Variants in COL22A1 observed in about 807,000 individuals in gnomAD.
The protein encoded by COL22A1 is collagen type XXII alpha 1 chain, also known as collagen alpha-1(XXII) chain.
In COL22A1, 221 loss-of-function variants were observed where a neutral mutation model predicts 248.9. The ratio of observed to expected loss-of-function variants is 0.89; its 90% CI spans 0.80 to 0.99. The LOEUF is 0.99. Ranked by LOEUF, COL22A1 falls within the 50% of genes least tolerant of loss-of-function variation. The pLI, the probability that COL22A1 is intolerant of heterozygous loss-of-function variation, is 0.00. For missense variants in COL22A1, 2,240 were observed against 2,179.0 expected, an observed-to-expected ratio of 1.03 and a Z score of -0.56; for synonymous variants, 891 against 793.4, an observed-to-expected ratio of 1.12 and a Z score of -2.07.
intron 7 of COL22A1, among the ~76,000 whole-genome samples, chr8:138,814,021 G>A (rs189762351): frequency 3.9e-5 from 6 of 152,348 alleles, no homozygotes; most frequent in African/African-American, 1.4e-4. Context: ...AAGGGGTTGT[G>A]GTGCTAAAAC....
rs182276159 is a variant in COL22A1, at chr8:138,629,889, G to C, written c.3663+806C>G. Among the ~76,000 whole-genome samples the C allele has an allele frequency of 4.1e-3, 620 of 152,246 alleles. 4 individuals carry two copies. Among genetic ancestry groups the C allele is most frequent in the African/African-American group, 0.013 (559 of 41,544 alleles). ...TGGCCTAGGGATTGCGCCTGGCTCT[G>C]ACATTCCCTCACTGTGTGACCCTGA... On this transcript the variant is annotated intron_variant, in intron 50 of 64. Transcript: ENST00000303045.
chr8:138,773,012 A>G (rs1473749230), intron 16 of COL22A1, among the ~76,000 whole-genome samples: 2 of 152,264 alleles, frequency 1.3e-5, no homozygotes, highest in African/African-American at 2.4e-5. Context: ...AGCTGCAGAC[A>G]CTGAGGCTGG....
chr8:138,745,068 C>T (rs1438570613), intron 22 of COL22A1, among the ~76,000 whole-genome samples: 2 of 152,186 alleles, frequency 1.3e-5, no homozygotes, highest in Non-Finnish European at 2.9e-5. Flanking sequence ...ATTCACGTTT[C>T]TGGATATATT....
At chr8:138,688,174 TGG>T (rs760478832) in intron 37 of COL22A1, among the ~76,000 whole-genome samples, 1 of 15,486 alleles carries the variant, frequency 6.5e-5, no homozygotes, top group Non-Finnish European at 1.7e-4. Context: ...TCTTGGCCTC[TGG>T]GTTTTTTTTT....
chr8:138,745,797 T>C (rs1478815138), intron 22 of COL22A1, among the ~76,000 whole-genome samples: 1 of 152,194 alleles, frequency 6.6e-6, no homozygotes. Context: ...GCAGTGGCCT[T>C]GAGCCAGGCT....
chr8:138,611,397 C>T (rs1818849629), intron 56 of COL22A1, among the ~76,000 whole-genome samples: 1 of 152,194 alleles, frequency 6.6e-6, no homozygotes, highest in African/African-American at 2.4e-5. Context: ...GGAAATCAAG[C>T]CCAGATGGCT....
intron 3 of COL22A1, among the ~76,000 whole-genome samples, chr8:138,846,157 C>A (rs1821229365): frequency 6.6e-6 from 1 of 152,152 alleles, no homozygotes; most frequent in South Asian, 2.1e-4. Flanking sequence ...ACAGGCACAG[C>A]ACAATATTTA....
At chr8:138,703,658 G>A (rs1040750513) in intron 30 of COL22A1, among the ~76,000 whole-genome samples, 1 of 152,148 alleles carries the variant, frequency 6.6e-6, no homozygotes, top group Non-Finnish European at 1.5e-5. Context: ...TAAAGTGAAG[G>A]GGGATCCAAG....
At chr8:138,849,652 A>G (rs979129399) in intron 3 of COL22A1, among the ~76,000 whole-genome samples, 7 of 152,220 alleles carry the variant, frequency 4.6e-5, no homozygotes, top group Admixed American at 2.0e-4. Context: ...TCAGTTTGCT[A>G]CTTTCTACAG....
chr8:138,910,744 C>T (rs1366375520), intron 1 of COL22A1, among the ~76,000 whole-genome samples: 1 of 152,142 alleles, frequency 6.6e-6, no homozygotes, highest in Non-Finnish European at 1.5e-5. Flanking sequence ...CCAGCATGTG[C>T]AAAAAGGTCT....
intron 11 of COL22A1, 97 bp downstream of exon 11, chr8:138,802,775 T>G: frequency 1.1e-6 from 1 of 936,150 alleles, no homozygotes; most frequent in Non-Finnish European, 1.8e-6. Context: ...CTGCCAGGTA[T>G]TCAGCCCACA....
chr8:138,852,838 A>T (rs1459324830), intron 3 of COL22A1, among the ~76,000 whole-genome samples: 2 of 152,012 alleles, frequency 1.3e-5, no homozygotes, highest in Non-Finnish European at 2.9e-5. Flanking sequence ...CCAATTCTTA[A>T]ATGTCAAATG....
intron 21 of COL22A1, 42 bp downstream of exon 21, chr8:138,755,115 A>G: frequency 6.3e-7 from 1 of 1,595,712 alleles, no homozygotes; most frequent in East Asian, 2.2e-5. Context: ...TTGGTAAGAG[A>G]AGCGTGCAGA....
Position 138,607,967 on chromosome 8 carries a change from G to C in COL22A1, c.4001C>G (p.Ser1334Cys). ...GPPGKNGSPG[S>C]PGEPGPSGTP... ...TCCTGAAGGGCCAGGCTCTCCTGGAGATCCCGGTGATCCATTCTTGCCCTG... is the reference window on the plus strand; with the variant it reads ...TCCTGAAGGGCCAGGCTCTCCTGGACATCCCGGTGATCCATTCTTGCCCTG... The change falls in exon 57 of 65, where the codon TCT becomes TGT. Residue 1334 changes from serine (S) to cysteine (C), a missense_variant. By Grantham distance (112) the Ser-to-Cys change is moderately radical (BLOSUM62 -1). Coordinates refer to ENST00000303045, the MANE Select transcript of COL22A1 (RefSeq NM_152888.3). 1 of 1,614,102 alleles carries C rather than the reference G, an allele frequency of 6.2e-7. No homozygotes were observed. Among genetic ancestry groups the C allele is most frequent in the Non-Finnish European group, 8.5e-7 (1 of 1,180,006 alleles).
rs767031477 is a variant in COL22A1 at position 138,616,993 on chromosome 8, A to G, written c.3826-35T>C. 2.5e-6 allele frequency: 4 copies of G among 1,613,646 alleles called. 1 individual carries two copies. Among genetic ancestry groups the G allele is most frequent in the East Asian group, 4.5e-5 (2 of 44,878 alleles). On this transcript the variant is annotated intron_variant, in intron 53 of 64. Coordinates refer to ENST00000303045, the MANE Select transcript of COL22A1 (RefSeq NM_152888.3). ...AGAGAATGGAGTTATTCCATGATAG[A>G]GCAGGCTCTTGGGGCAGAAGTGGGC...
intron 30 of COL22A1, among the ~76,000 whole-genome samples, chr8:138,706,315 C>T (rs1195266312): frequency 6.6e-6 from 1 of 152,164 alleles, no homozygotes; most frequent in East Asian, 1.9e-4. Flanking sequence ...ACTCTCCACC[C>T]CAAATCAACA....
At chr8:138,868,818 C>T (rs1367525006) in intron 3 of COL22A1, among the ~76,000 whole-genome samples, 2 of 151,932 alleles carry the variant, frequency 1.3e-5, no homozygotes, top group African/African-American at 4.8e-5. Context: ...GCAACCTCTG[C>T]CTCCCAGGTT....
chr8:138,717,071 C>T (rs1006734945), intron 27 of COL22A1, among the ~76,000 whole-genome samples: 1 of 152,222 alleles, frequency 6.6e-6, no homozygotes, highest in African/African-American at 2.4e-5. Flanking sequence ...AATCCACTTT[C>T]TCATATAGTC....
intron 21 of COL22A1, among the ~76,000 whole-genome samples, chr8:138,753,814 T>C (rs796102683): frequency 3.9e-5 from 6 of 152,340 alleles, no homozygotes; most frequent in African/African-American, 1.4e-4. Context: ...ACTACCCATA[T>C]ATTTTCATCT....
Sources: allele counts gnomAD v4.1 joint callset (sites outside exome capture counted in the v4.1 genomes callset), GRCh38; gene constraint gnomAD v4.1.1; transcripts MANE v1.5; gene names NCBI Gene and HGNC (gene_info 2026-07-23, HGNC 2026-07-21).